STAG1: variants seen among roughly 807,000 people sequenced by gnomAD.
The protein encoded by STAG1 is cohesin subunit SA-1.
In STAG1, 26 loss-of-function variants were observed where a neutral mutation model predicts 170.9. The observed-to-expected ratio is 0.15, with a 90% CI of 0.11 to 0.21. The LOEUF (loss-of-function observed/expected upper bound fraction) is 0.21. STAG1 is among the 10% of genes least tolerant of loss of function. The pLI is 1.00. For missense variants in STAG1, 964 were observed against 1,509.5 expected (o/e 0.64, Z 5.99); for synonymous variants, 514 against 497.7 (o/e 1.03, Z -0.44).
Position 136,578,675 on chromosome 3 carries a change from T to C in STAG1, c.298-9814A>G, listed in dbSNP as rs574872299. On this transcript the variant is annotated intron_variant, in intron 4 of 33. Transcript: ENST00000383202. Reference sequence around the variant, plus strand: ...TGTATTAATAGACACTGTCTCTGAATTGACATTAATTCCTGGGGATTCAAA... The same window carrying C: ...TGTATTAATAGACACTGTCTCTGAACTGACATTAATTCCTGGGGATTCAAA... 8.5e-5 allele frequency among the ~76,000 whole-genome samples: 13 copies of C among 152,364 alleles called. No homozygotes were observed. In the South Asian group the frequency reaches 1.2e-3, roughly 15 times the overall value.
At chr3:136,433,982 A>T (rs1208630411) in intron 15 of STAG1, among the ~76,000 whole-genome samples, 2 of 152,068 alleles carry the variant, frequency 1.3e-5, no homozygotes, top group Non-Finnish European at 2.9e-5. Context: ...TTCTTTTTTA[A>T]TGAAAAAGAC....
At chr3:136,571,552 G>A (rs1020318032) in intron 4 of STAG1, among the ~76,000 whole-genome samples, 1 of 151,960 alleles carries the variant, frequency 6.6e-6, no homozygotes, top group Non-Finnish European at 1.5e-5. Flanking sequence ...CTGAGTGACA[G>A]GGCGAGACCC....
chr3:136,589,134 G>A (rs532123255), intron 4 of STAG1, among the ~76,000 whole-genome samples: 8 of 151,952 alleles, frequency 5.3e-5, no homozygotes, highest in South Asian at 4.2e-4. Flanking sequence ...CAGGTGATCC[G>A]CCTGTCTTGG....
chr3:136,463,997 T>C (rs993189153), intron 13 of STAG1, among the ~76,000 whole-genome samples: 4 of 151,056 alleles, frequency 2.6e-5, no homozygotes, highest in Admixed American at 1.3e-4. Context: ...CTAAAACATG[T>C]ACATCCTAAA....
In STAG1 at chr3:136,672,572, C is replaced by T. The variant is rs79381022; in HGVS notation, c.-83-41591G>A. Among the ~76,000 whole-genome samples, 978 of 152,108 alleles carry T rather than the reference C, an allele frequency of 6.4e-3. 12 individuals carry two copies. The highest frequency in any genetic ancestry group is 0.022 in the African/African-American group (929 of 41,498). On this transcript the variant is annotated intron_variant, in intron 1 of 33. Transcript: ENST00000383202. The stretch of plus-strand genomic sequence containing the variant: ...CTCACACATTTCCATTAAAAGTTTA[C>T]CACAATAAAAAAGCTGCCACAAAAC...
intron 1 of STAG1, among the ~76,000 whole-genome samples, chr3:136,667,973 A>G (rs1941849218): frequency 1.3e-5 from 2 of 151,876 alleles, no homozygotes; most frequent in Admixed American, 1.3e-4. Context: ...GGATTGCTTG[A>G]GGCCAGGAGG....
At chr3:136,528,927 C>A (rs1247803989) in intron 6 of STAG1, among the ~76,000 whole-genome samples, 1 of 151,260 alleles carries the variant, frequency 6.6e-6, no homozygotes, top group Admixed American at 6.6e-5. Context: ...AAGACCCTGA[C>A]TGAAAAAGCA....
chr3:136,662,470 G>A (rs1559936769), intron 1 of STAG1, among the ~76,000 whole-genome samples: 2 of 151,614 alleles, frequency 1.3e-5, no homozygotes, highest in African/African-American at 4.8e-5. Context: ...TTTGAGACAG[G>A]GTCTCACTCT....
At chr3:136,422,289 T>C (rs369477979) in intron 19 of STAG1, 121 bp downstream of exon 19, 9 of 867,618 alleles carry the variant, frequency 1.0e-5, no homozygotes, top group African/African-American at 3.4e-5. Context: ...TTGCTAAGTT[T>C]TGGAAGGGGC....
chr3:136,550,954 C>A (rs1179649351), intron 5 of STAG1, among the ~76,000 whole-genome samples: 3 of 152,036 alleles, frequency 2.0e-5, no homozygotes, highest in Non-Finnish European at 4.4e-5. Flanking sequence ...AATCAAGTCA[C>A]TATCGATATG....
At chr3:136,401,926 G>A (rs1414869314) in intron 21 of STAG1, among the ~76,000 whole-genome samples, 2 of 151,866 alleles carry the variant, frequency 1.3e-5, no homozygotes, top group Non-Finnish European at 2.9e-5. Flanking sequence ...TGTATTTTTG[G>A]TAGAGACAGG....
At chr3:136,438,240 C>CT (rs371190637) in intron 15 of STAG1, among the ~76,000 whole-genome samples, 69,664 of 128,178 alleles carry the variant, frequency 0.54, 23,187 homozygotes, top group East Asian at 0.91. Context: ...AGTTTCTTTT[C>CT]TTTTTTTTTT....
At chr3:136,707,785 T>C (rs1943268413) in intron 1 of STAG1, among the ~76,000 whole-genome samples, 1 of 151,944 alleles carries the variant, frequency 6.6e-6, no homozygotes, top group African/African-American at 2.4e-5. Flanking sequence ...ATTAATACAG[T>C]CTCTAGAAAG....
chr3:136,721,931 A>G (rs548026755), intron 1 of STAG1, among the ~76,000 whole-genome samples: 1 of 151,686 alleles, frequency 6.6e-6, no homozygotes, highest in Admixed American at 6.6e-5. Context: ...AAAAAAAATT[A>G]CACTATGGGG....
rs138694926 is a variant in STAG1 at position 136,383,288 on chromosome 3, G to T, written c.2278-5536C>A. Among the ~76,000 whole-genome samples the T allele has an allele frequency of 3.6e-3, 554 of 152,106 alleles. 11 individuals are homozygous for T. The highest frequency in any genetic ancestry group is 0.034 in the Admixed American group (513 of 15,260). On this transcript the variant is annotated intron_variant, in intron 22 of 33. Coordinates refer to ENST00000383202, the MANE Select transcript of STAG1 (RefSeq NM_005862.3). ...CAATAGATAATATTCAAGAGAAAAA[G>T]AAAAAGAAATATAAAAAGATTTGGA...
intron 4 of STAG1, among the ~76,000 whole-genome samples, chr3:136,570,619 A>C (rs1317974505): frequency 1.3e-5 from 2 of 152,252 alleles, no homozygotes; most frequent in African/African-American, 4.8e-5. Flanking sequence ...ATTTCTCATA[A>C]CAAGTTGTAA....
intron 28 of STAG1, among the ~76,000 whole-genome samples, chr3:136,355,814 A>G (rs1936630030): frequency 6.6e-6 from 1 of 152,224 alleles, no homozygotes; most frequent in African/African-American, 2.4e-5. Context: ...TAAACAAAAT[A>G]CTCCTGAATA....
intron 12 of STAG1, among the ~76,000 whole-genome samples, chr3:136,472,156 A>G (rs1379079783): frequency 6.6e-6 from 1 of 152,214 alleles, no homozygotes; most frequent in Non-Finnish European, 1.5e-5. Context: ...TTAAACAGAA[A>G]GGTAAGTTAC....
intron 4 of STAG1, among the ~76,000 whole-genome samples, chr3:136,589,063 G>C (rs1426838306): frequency 6.6e-6 from 1 of 151,982 alleles, no homozygotes; most frequent in Non-Finnish European, 1.5e-5. Context: ...ACCCAGCCTT[G>C]TATTTTTAAT....
Sources: allele counts gnomAD v4.1 joint callset (sites outside exome capture counted in the v4.1 genomes callset), GRCh38; gene constraint gnomAD v4.1.1; transcripts MANE v1.5; gene names NCBI Gene and HGNC (gene_info 2026-07-23, HGNC 2026-07-21).